SNX29: variants seen among roughly 807,000 people sequenced by gnomAD.
The protein encoded by SNX29 is sorting nexin-29.
A neutral mutation model predicts 102.1 loss-of-function variants in SNX29; 78 were observed. The ratio of observed to expected loss-of-function variants is 0.76; its 90% CI spans 0.64 to 0.92. The LOEUF is 0.92. SNX29 is among the 40% of genes least tolerant of loss of function. The probability of loss-of-function intolerance (pLI) is 0.00; values close to 1 mark genes in which losing one functional copy is unlikely to be tolerated. For missense variants in SNX29, 1,280 were observed against 1,061.7 expected, an observed-to-expected ratio of 1.21 and a Z score of -2.86; for synonymous variants, 580 against 414.5, an observed-to-expected ratio of 1.40 and a Z score of -4.85.
At position 12,403,538 on chromosome 16, in the gene SNX29, C is replaced by G. The variant is rs952642688; in HGVS notation, c.2037+9C>G. On this transcript the variant is annotated intron_variant, in intron 18 of 20. Transcript: ENST00000566228. The stretch of plus-strand genomic sequence containing the variant: ...CATTCCACGTGTATCAGGTGAGTGC[C>G]TGGTTTTCAGGTGGACATCACAGCT... 16 of 1,598,840 alleles carry G rather than the reference C, an allele frequency of 1.0e-5. No homozygotes were observed. The highest frequency in any genetic ancestry group is 1.3e-5 in the Non-Finnish European group (15 of 1,172,204).
At chr16:11,991,575 C>G (rs2055849953) in intron 1 of SNX29, among the ~76,000 whole-genome samples, 2 of 151,950 alleles carry the variant, frequency 1.3e-5, no homozygotes, top group African/African-American at 2.4e-5. Flanking sequence ...TGGAGTCTCA[C>G]TCTGTCGCCC....
intron 14 of SNX29, among the ~76,000 whole-genome samples, chr16:12,237,114 G>T (rs2077958414): frequency 1.3e-5 from 2 of 152,172 alleles, no homozygotes; most frequent in Admixed American, 1.3e-4. Context: ...AGTTGTACCT[G>T]GGGGCAGGCA....
chr16:12,310,134 A>ATG (rs2080488123), intron 15 of SNX29, among the ~76,000 whole-genome samples: 1 of 152,234 alleles, frequency 6.6e-6, no homozygotes, highest in African/African-American at 2.4e-5. Context: ...ACATGCATGC[A>ATG]CATACACACT....
In SNX29 at chr16:12,494,020, G is replaced by A. The variant is rs139758972; in HGVS notation, c.2178+16161G>A. Among the ~76,000 whole-genome samples the A allele has an allele frequency of 4.6e-5, 7 of 152,160 alleles. No homozygotes were observed. The East Asian group carries it at 1.4e-3, about 29-fold the overall frequency. ...GTGTCCTTTGGCTATTTTTCTTCTG[G>A]GGTATTTTTCTTATTTGTTTCTAGG... On this transcript the variant is annotated intron_variant, in intron 19 of 20. Transcript: ENST00000566228.
intron 19 of SNX29, among the ~76,000 whole-genome samples, chr16:12,505,577 C>A (rs1199128005): frequency 2.0e-5 from 3 of 152,080 alleles, no homozygotes; most frequent in Non-Finnish European, 4.4e-5. Flanking sequence ...GGAAAATGGT[C>A]ACTATAGTGA....
At chr16:12,432,831 A>G (rs2151634238) in intron 18 of SNX29, among the ~76,000 whole-genome samples, 1 of 152,360 alleles carries the variant, frequency 6.6e-6, no homozygotes, top group African/African-American at 2.4e-5. Context: ...TGGGTCTTGC[A>G]GCCGGGGAGC....
At chr16:12,043,276 G>A (rs2049959763) in intron 5 of SNX29, among the ~76,000 whole-genome samples, 199 bp downstream of exon 5, 1 of 152,146 alleles carries the variant, frequency 6.6e-6, no homozygotes, top group Non-Finnish European at 1.5e-5. Context: ...TAAAGGGCTC[G>A]GCATGGCACT....
At chr16:12,552,699 T>C (rs762963316) in intron 20 of SNX29, among the ~76,000 whole-genome samples, 12 of 151,934 alleles carry the variant, frequency 7.9e-5, no homozygotes, top group African/African-American at 1.5e-4. Flanking sequence ...CGGGGGAAGA[T>C]TTAGATTGGG....
At chr16:12,066,804 A>T (rs985192630) in intron 9 of SNX29, among the ~76,000 whole-genome samples, 2 of 151,630 alleles carry the variant, frequency 1.3e-5, no homozygotes, top group Non-Finnish European at 2.9e-5. Context: ...AGGTGGGAGG[A>T]TGAATGCCCG....
chr16:12,362,256 A>G (rs1323096742), intron 16 of SNX29, among the ~76,000 whole-genome samples: 1 of 152,092 alleles, frequency 6.6e-6, no homozygotes, highest in Non-Finnish European at 1.5e-5. Context: ...CTGGGTGGAA[A>G]TCCTCAGTGT....
At chr16:12,481,107 T>C (rs937493406) in intron 19 of SNX29, among the ~76,000 whole-genome samples, 1 of 152,084 alleles carries the variant, frequency 6.6e-6, no homozygotes, top group African/African-American at 2.4e-5. Flanking sequence ...CCAAGCAATG[T>C]GCTTTTATCC....
At chr16:12,542,428 C>T (rs548050819) in intron 20 of SNX29, among the ~76,000 whole-genome samples, 1 of 152,204 alleles carries the variant, frequency 6.6e-6, no homozygotes, top group African/African-American at 2.4e-5. Flanking sequence ...CTTCGCCTCC[C>T]AAGTTCAATT....
intron 15 of SNX29, among the ~76,000 whole-genome samples, chr16:12,302,606 G>A (rs1373315923): frequency 6.6e-6 from 1 of 152,190 alleles, no homozygotes. Flanking sequence ...TCCCATTCGT[G>A]AGGGCTCTGC....
intron 18 of SNX29, among the ~76,000 whole-genome samples, chr16:12,472,554 AAG>A (rs2087405667): frequency 2.0e-5 from 3 of 151,744 alleles, no homozygotes; most frequent in Admixed American, 6.6e-5. Flanking sequence ...CAAAAAAAAA[AAG>A]AAAAAAACAG....
intron 20 of SNX29, among the ~76,000 whole-genome samples, chr16:12,539,365 ACCTCTT>A (rs1227150243): frequency 3.3e-5 from 5 of 151,752 alleles, no homozygotes; most frequent in Admixed American, 2.6e-4. Context: ...ACTGTAAGCA[ACCTCTT>A]GAGGCTGGCG....
chr16:12,187,342 G>A (rs2076536108), intron 13 of SNX29, among the ~76,000 whole-genome samples: 1 of 152,200 alleles, frequency 6.6e-6, no homozygotes, highest in Non-Finnish European at 1.5e-5. Flanking sequence ...GGTAGATCGT[G>A]TGAGGCCAGG....
At chr16:12,114,274 G>A (rs1160892968) in intron 11 of SNX29, among the ~76,000 whole-genome samples, 2 of 152,202 alleles carry the variant, frequency 1.3e-5, no homozygotes, top group Non-Finnish European at 2.9e-5. Flanking sequence ...AGGCGTCCCT[G>A]GATCCCAGGG....
At chr16:12,507,498 A>C (rs1365621054) in intron 19 of SNX29, among the ~76,000 whole-genome samples, 1 of 152,144 alleles carries the variant, frequency 6.6e-6, no homozygotes, top group African/African-American at 2.4e-5. Flanking sequence ...TGTTGATGTT[A>C]CTGTTTGGAT....
At chr16:12,464,645 C>T (rs939604337) in intron 18 of SNX29, among the ~76,000 whole-genome samples, 3 of 151,930 alleles carry the variant, frequency 2.0e-5, no homozygotes, top group Admixed American at 1.3e-4. Flanking sequence ...TTTGTAGAGA[C>T]AGTCTCACTG....
Sources: allele counts gnomAD v4.1 joint callset (sites outside exome capture counted in the v4.1 genomes callset), GRCh38; gene constraint gnomAD v4.1.1; transcripts MANE v1.5; gene names NCBI Gene and HGNC (gene_info 2026-07-23, HGNC 2026-07-21).